Variants in SLC35F4 observed in about 807,000 individuals in gnomAD.
SLC35F4 encodes the protein chromosome 14 open reading frame 36.
Under a neutral mutation model 44.2 loss-of-function variants are expected in SLC35F4, and 24 were observed. The observed-to-expected ratio is 0.54, with a 90% CI of 0.39 to 0.76. The LOEUF is 0.76. SLC35F4 is among the 30% of genes least tolerant of loss of function. The pLI is 0.00. For synonymous variants in SLC35F4, 238 were observed against 223.6 expected, an observed-to-expected ratio of 1.06 and a Z score of -0.57; for missense variants, 562 against 586.1, an observed-to-expected ratio of 0.96 and a Z score of 0.42.
At chr14:57,774,210 G>A (rs1047920418) in intron 1 of SLC35F4, among the ~76,000 whole-genome samples, 5 of 152,118 alleles carry the variant, frequency 3.3e-5, no homozygotes, top group Non-Finnish European at 7.3e-5. Flanking sequence ...GCTGAAAGGG[G>A]AGGAAGCTGG....
chr14:57,943,427 G>A (rs752937093), intron 1 of SLC35F4, among the ~76,000 whole-genome samples: 9 of 152,112 alleles, frequency 5.9e-5, no homozygotes, highest in Admixed American at 1.3e-4. Flanking sequence ...AAATGTCTAC[G>A]CTTTCCAAAA....
intron 1 of SLC35F4, among the ~76,000 whole-genome samples, chr14:57,923,349 A>G (rs1363894239): frequency 6.6e-6 from 1 of 152,206 alleles, no homozygotes; most frequent in African/African-American, 2.4e-5. Flanking sequence ...TAGACTGACT[A>G]TTCTTCAGTG....
At chr14:57,982,235 A>C (rs984524985), upstream of SLC35F4, 1 of 152,210 alleles carries the variant, frequency 6.6e-6, no homozygotes, top group Non-Finnish European at 1.5e-5. Flanking sequence ...GAGTTGTCGG[A>C]AGCCAGGGCA....
intron 1 of SLC35F4, among the ~76,000 whole-genome samples, chr14:57,871,413 C>G (rs892612939): frequency 3.3e-5 from 5 of 152,074 alleles, no homozygotes; most frequent in Non-Finnish European, 5.9e-5. Context: ...TAATTTAAAG[C>G]AAATAAAGAT....
intron 1 of SLC35F4, among the ~76,000 whole-genome samples, chr14:57,707,528 G>T (rs1469761191): frequency 6.6e-6 from 1 of 152,114 alleles, no homozygotes. Context: ...GGCCTTCCCA[G>T]CCGTGAAGAA....
chr14:57,879,981 G>C (rs1566919879), intron 1 of SLC35F4, among the ~76,000 whole-genome samples: 2 of 146,388 alleles, frequency 1.4e-5, no homozygotes, highest in South Asian at 4.4e-4. Context: ...GAAGAATGGA[G>C]GGAAGGAAGG....
chr14:57,651,038 C>T (rs1250055120), intron 1 of SLC35F4, among the ~76,000 whole-genome samples: 1 of 152,126 alleles, frequency 6.6e-6, no homozygotes, highest in African/African-American at 2.4e-5. Context: ...CATTTATTTC[C>T]TTTAATATTT....
chr14:57,974,428 G>T (rs1313912141), downstream of SLC35F4, among the ~76,000 whole-genome samples: 1 of 152,176 alleles, frequency 6.6e-6, no homozygotes. Flanking sequence ...TTCAAAAGAT[G>T]GGGAGTTAGA....
At chr14:57,899,106 C>A (rs1888946052) in intron 1 of SLC35F4, among the ~76,000 whole-genome samples, 1 of 152,204 alleles carries the variant, frequency 6.6e-6, no homozygotes, top group Non-Finnish European at 1.5e-5. Flanking sequence ...AAGCAACAGG[C>A]TTTGATCACA....
At chr14:57,650,883 C>T (rs570611314) in intron 1 of SLC35F4, among the ~76,000 whole-genome samples, 17 of 152,242 alleles carry the variant, frequency 1.1e-4, no homozygotes, top group Admixed American at 6.5e-4. Context: ...GTTCCCTGTG[C>T]CTGGAACCCT....
At chr14:57,957,630 C>CA (rs1183085800) in intron 1 of SLC35F4, among the ~76,000 whole-genome samples, 2 of 152,168 alleles carry the variant, frequency 1.3e-5, no homozygotes, top group Non-Finnish European at 2.9e-5. Flanking sequence ...ATGACACACT[C>CA]AGCCCTCTTG....
At chr14:57,867,015 A>G (rs1888186094), upstream of SLC35F4, among the ~76,000 whole-genome samples, 2 of 146,372 alleles carry the variant, frequency 1.4e-5, no homozygotes, top group Admixed American at 6.9e-5. Flanking sequence ...TCAAAGTTTC[A>G]TCTCAGAAAT....
At chr14:57,708,739 ACG>A (rs1202253952) in intron 1 of SLC35F4, among the ~76,000 whole-genome samples, 1 of 152,146 alleles carries the variant, frequency 6.6e-6, no homozygotes, top group Non-Finnish European at 1.5e-5. Flanking sequence ...CCACCAAGAC[ACG>A]GAGACCAGTA....
At chr14:57,778,092 G>A (rs1422512133) in intron 1 of SLC35F4, among the ~76,000 whole-genome samples, 1 of 152,158 alleles carries the variant, frequency 6.6e-6, no homozygotes, top group Non-Finnish European at 1.5e-5. Context: ...GTTAGTAAAT[G>A]AGTCTAACAA....
intron 1 of SLC35F4, among the ~76,000 whole-genome samples, chr14:57,708,130 G>T (rs562528951): frequency 2.6e-5 from 4 of 152,286 alleles, no homozygotes; most frequent in South Asian, 2.1e-4. Flanking sequence ...TAAAACCTAA[G>T]ATCAGTGCTT....
chr14:57,659,979 C>A (rs1316038026), intron 1 of SLC35F4, among the ~76,000 whole-genome samples: 1 of 152,116 alleles, frequency 6.6e-6, no homozygotes, highest in East Asian at 1.9e-4. Context: ...TTAGTACCCA[C>A]CAATTCAATC....
chr14:57,673,292 A>T (rs1406720151), intron 1 of SLC35F4, among the ~76,000 whole-genome samples: 1 of 152,116 alleles, frequency 6.6e-6, no homozygotes, highest in Non-Finnish European at 1.5e-5. Flanking sequence ...TGAAGAGTGT[A>T]GTAGTGTCAG....
intron 1 of SLC35F4, among the ~76,000 whole-genome samples, chr14:57,796,810 A>G (rs1458313750): frequency 6.6e-6 from 1 of 152,200 alleles, no homozygotes; most frequent in Non-Finnish European, 1.5e-5. Flanking sequence ...ACACTTGCAC[A>G]CAAACACACA....
chr14:57,727,611 C>T (rs1165293123), intron 1 of SLC35F4, among the ~76,000 whole-genome samples: 1 of 152,054 alleles, frequency 6.6e-6, no homozygotes, highest in Non-Finnish European at 1.5e-5. Flanking sequence ...TTTGTTTCAA[C>T]ACAATTTCCA....
Sources: allele counts gnomAD v4.1 joint callset (sites outside exome capture counted in the v4.1 genomes callset), GRCh38; gene constraint gnomAD v4.1.1; transcripts MANE v1.5; gene names NCBI Gene and HGNC (gene_info 2026-07-23, HGNC 2026-07-21).